THSD7B: variants seen among roughly 807,000 people sequenced by gnomAD.
THSD7B encodes thrombospondin type 1 domain containing 7B.
THSD7B carries 138 observed loss-of-function variants against 213.6 expected under a neutral mutation model. That is an observed-to-expected ratio of 0.65 (90% CI 0.56 to 0.74). The LOEUF (loss-of-function observed/expected upper bound fraction) is 0.74, where lower values mean the gene tolerates loss of function less well. Ranked by LOEUF, THSD7B falls within the 30% of genes least tolerant of loss-of-function variation. The probability of loss-of-function intolerance (pLI) is 0.00; values close to 1 mark genes in which losing one functional copy is unlikely to be tolerated. For missense variants in THSD7B, 1,931 were observed against 1,991.5 expected, an observed-to-expected ratio of 0.97 and a Z score of 0.58; for synonymous variants, 742 against 687.0, an observed-to-expected ratio of 1.08 and a Z score of -1.25.
At chr2:136,918,782 T>G (rs147817268) in intron 2 of THSD7B, among the ~76,000 whole-genome samples, 1 of 152,308 alleles carries the variant, frequency 6.6e-6, no homozygotes, top group East Asian at 1.9e-4. Context: ...AACTTGCAAC[T>G]TCATCTAAGA....
chr2:137,538,476 G>A (rs753011487), intron 15 of THSD7B: 3 of 517,268 alleles, frequency 5.8e-6, no homozygotes, highest in Admixed American at 3.9e-5. Flanking sequence ...TGCTAACATG[G>A]ACTTCTACAA....
chr2:136,767,574 A>G (rs1681427727), intron 1 of THSD7B, among the ~76,000 whole-genome samples: 1 of 152,130 alleles, frequency 6.6e-6, no homozygotes, highest in Admixed American at 6.5e-5. Flanking sequence ...GAAAAAAATT[A>G]TGAAGAAAAT....
intron 1 of THSD7B, among the ~76,000 whole-genome samples, chr2:136,802,641 A>ATATATT: frequency 1.7e-5 from 1 of 58,394 alleles, no homozygotes; most frequent in Non-Finnish European, 3.0e-5. Context: ...AATTAAGTTT[A>ATATATT]TATATATATA....
chr2:137,113,835 G>GA (rs374043933), intron 4 of THSD7B, among the ~76,000 whole-genome samples: 178 of 151,026 alleles, frequency 1.2e-3, no homozygotes, highest in African/African-American at 3.4e-3. Flanking sequence ...TAAGCCTAGG[G>GA]AAAAAAAAAG....
At chr2:137,161,035 A>C (rs2104985026) in intron 6 of THSD7B, among the ~76,000 whole-genome samples, 1 of 152,278 alleles carries the variant, frequency 6.6e-6, no homozygotes, top group Middle Eastern at 3.4e-3. Flanking sequence ...AGATTTCCAC[A>C]TTTAACATTT....
rs913925363 is a variant in THSD7B, at chr2:137,282,093, A to C, written c.2500+6067A>C. ...GTTTCCTGACTTTTTAATGATCGCC[A>C]TTCTAACTGGTGTGAGATGGTATCT... On this transcript the variant is annotated intron_variant, in intron 12 of 27. Coordinates refer to ENST00000409968, the MANE Select transcript of THSD7B (RefSeq NM_001316349.2). 7.2e-5 allele frequency among the ~76,000 whole-genome samples: 11 copies of C among 152,134 alleles called. No homozygotes were observed. The South Asian group carries it at 2.3e-3, about 32-fold the overall frequency.
intron 15 of THSD7B, among the ~76,000 whole-genome samples, chr2:137,527,409 G>A (rs1426580828): frequency 6.6e-6 from 1 of 151,966 alleles, no homozygotes; most frequent in Non-Finnish European, 1.5e-5. Flanking sequence ...CAGAAATCTG[G>A]AAAAGTATCA....
At chr2:137,094,795 TC>T (rs923836139) in intron 3 of THSD7B, 77 bp from the exon 4 acceptor site, 1 of 1,503,672 alleles carries the variant, frequency 6.7e-7, no homozygotes, top group African/African-American at 1.4e-5. Context: ...GAGTTTTTTT[TC>T]TCATGGTAGG....
intron 2 of THSD7B, among the ~76,000 whole-genome samples, chr2:137,005,982 A>G (rs1460030602): frequency 6.6e-6 from 1 of 152,188 alleles, no homozygotes; most frequent in Non-Finnish European, 1.5e-5. Context: ...ATCAAGAGGA[A>G]TAACCTCAAC....
intron 12 of THSD7B, among the ~76,000 whole-genome samples, chr2:137,397,591 C>T (rs1425772406): frequency 2.0e-5 from 3 of 151,154 alleles, no homozygotes; most frequent in African/African-American, 7.3e-5. Flanking sequence ...TCTGGCTGCT[C>T]TTAACATTTT....
intron 14 of THSD7B, among the ~76,000 whole-genome samples, chr2:137,428,121 C>T (rs1687099598): frequency 6.6e-6 from 1 of 151,964 alleles, no homozygotes; most frequent in Non-Finnish European, 1.5e-5. Flanking sequence ...GGTATTTGTC[C>T]TTTTATTCTT....
intron 2 of THSD7B, among the ~76,000 whole-genome samples, chr2:136,886,627 A>G (rs1410866959): frequency 2.0e-5 from 3 of 152,202 alleles, no homozygotes; most frequent in Non-Finnish European, 4.4e-5. Flanking sequence ...AGTCTTCTAC[A>G]ATAAAGAATT....
chr2:137,398,568 G>T (rs532491334), intron 12 of THSD7B, among the ~76,000 whole-genome samples: 5,083 of 151,668 alleles, frequency 0.034, 108 homozygotes, highest in Non-Finnish European at 0.047. Context: ...TCTCTTCAAA[G>T]CTGTCAGACA....
At chr2:136,801,158 G>A (rs77846504) in intron 1 of THSD7B, among the ~76,000 whole-genome samples, 5,786 of 152,180 alleles carry the variant, frequency 0.038, 168 homozygotes, top group South Asian at 0.11. Flanking sequence ...GACAAATGAT[G>A]TAACTTGCAG....
intron 2 of THSD7B, among the ~76,000 whole-genome samples, chr2:137,028,951 CT>C (rs1686606967): frequency 6.6e-6 from 1 of 152,020 alleles, no homozygotes; most frequent in Admixed American, 6.6e-5. Flanking sequence ...AAGAAAACCC[CT>C]GTTAATATTC....
At chr2:137,162,921 GATTAA>G (rs1680046957) in intron 6 of THSD7B, among the ~76,000 whole-genome samples, 2 of 152,098 alleles carry the variant, frequency 1.3e-5, no homozygotes, top group African/African-American at 4.8e-5. Context: ...CACCATGTCT[GATTAA>G]TTTTTGTGTT....
intron 22 of THSD7B, among the ~76,000 whole-genome samples, chr2:137,656,293 T>C (rs965737592): frequency 1.3e-5 from 2 of 152,104 alleles, no homozygotes; most frequent in African/African-American, 4.8e-5. Context: ...AATTATAATT[T>C]ATATAAAGAT....
chr2:136,894,334 A>G (rs1683913668), intron 2 of THSD7B, among the ~76,000 whole-genome samples: 1 of 152,226 alleles, frequency 6.6e-6, no homozygotes, highest in African/African-American at 2.4e-5. Context: ...ATTTTCAAAT[A>G]CTGATGACTG....
chr2:136,906,490 AG>A (rs1165667435), intron 2 of THSD7B: 1 of 152,178 alleles, frequency 6.6e-6, no homozygotes, highest in Non-Finnish European at 1.5e-5. Flanking sequence ...GAGGGGGAGT[AG>A]AGTCAAGCAA....
Sources: allele counts gnomAD v4.1 joint callset (sites outside exome capture counted in the v4.1 genomes callset), GRCh38; gene constraint gnomAD v4.1.1; transcripts MANE v1.5; gene names NCBI Gene and HGNC (gene_info 2026-07-23, HGNC 2026-07-21).